Variants in SCUBE1 observed in about 807,000 individuals in gnomAD.
SCUBE1 encodes the protein signal peptide, CUB domain and EGF like domain containing 1.
In SCUBE1, 59 loss-of-function variants were observed where a neutral mutation model predicts 124.4. That is an observed-to-expected ratio of 0.47 (90% CI 0.38 to 0.59). The LOEUF is 0.59. Among genes scored for constraint, SCUBE1 ranks in the 20% least tolerant of loss-of-function variants. The probability of loss-of-function intolerance (pLI) is 0.00; values close to 1 mark genes in which losing one functional copy is unlikely to be tolerated. For missense variants in SCUBE1, 1,150 were observed against 1,371.2 expected (o/e 0.84, Z 2.55); for synonymous variants, 545 against 550.9 (o/e 0.99, Z 0.15).
Position 43,261,035 on chromosome 22 carries a change from G to A in SCUBE1, c.610+1685C>T, listed in dbSNP as rs532774101. ...AAGGCCCAGTTGGAGCAGGCCCTCGGCCTGTCTTCTGCCTAAGAGAATGCA... is the reference window on the plus strand; with the variant it reads ...AAGGCCCAGTTGGAGCAGGCCCTCGACCTGTCTTCTGCCTAAGAGAATGCA... On this transcript the variant is annotated intron_variant, in intron 5 of 21. Transcript: ENST00000360835. Among the ~76,000 whole-genome samples the A allele has an allele frequency of 5.3e-5, 8 of 152,376 alleles. 1 individual carries two copies. The South Asian group carries it at 1.4e-3, about 28-fold the overall frequency.
chr22:43,320,450 G>A lies in SCUBE1; in HGVS notation c.221-385C>T, dbSNP rs557165048. Among the ~76,000 whole-genome samples the A allele has an allele frequency of 1.8e-4, 28 of 152,344 alleles. No individual in the cohort carries two copies. In the South Asian group the frequency reaches 5.8e-3, roughly 32 times the overall value. On this transcript the variant is annotated intron_variant, in intron 2 of 21. Transcript: ENST00000360835. ...CTTTCCACATCAGTGTCTGATGCCT[G>A]CATTTCAACTGCTCCAGCTTCCTTG...
chr22:43,290,220 A>G (rs1463923426), intron 4 of SCUBE1, among the ~76,000 whole-genome samples: 2 of 151,964 alleles, frequency 1.3e-5, no homozygotes, highest in African/African-American at 4.8e-5. Context: ...CTCTCCTCCA[A>G]GCACATGTGT....
At chr22:43,305,712 G>A (rs1349471518) in intron 3 of SCUBE1, among the ~76,000 whole-genome samples, 2 of 152,124 alleles carry the variant, frequency 1.3e-5, no homozygotes, top group Non-Finnish European at 2.9e-5. Flanking sequence ...CCTCCACCAC[G>A]GGTGGGTCCC....
chr22:43,293,070 T>C (rs1925427818), intron 3 of SCUBE1, among the ~76,000 whole-genome samples: 1 of 152,198 alleles, frequency 6.6e-6, no homozygotes, highest in South Asian at 2.1e-4. Flanking sequence ...CATGCCACCT[T>C]TGCTGGGCGC....
At position 43,201,354 on chromosome 22, in the gene SCUBE1, A is replaced by G. The variant is rs1375264258; in HGVS notation, c.*2643T>C. 2.3e-5 allele frequency: 3 copies of G among 130,554 alleles called. No homozygotes were observed. The highest frequency in any genetic ancestry group is 7.6e-5 in the African/African-American group (3 of 39,564). The allele number at this position is 130,554 out of a possible 1,614,324, so 8.1% of individuals were successfully genotyped here. A position where few individuals can be genotyped will look rare whatever the true frequency, so the allele number is the denominator to read the frequency against. On this transcript the variant is annotated 3_prime_UTR_variant, in exon 22 of 22. Coordinates refer to ENST00000360835, the MANE Select transcript of SCUBE1 (RefSeq NM_173050.5). ...AAAACAAAAAAAGAAAACAAAAAAC[A>G]AAACAAAAAAAACAAAACAAAAACA...
chr22:43,295,803 C>T (rs529912203), intron 3 of SCUBE1, among the ~76,000 whole-genome samples: 6 of 152,238 alleles, frequency 3.9e-5, no homozygotes, highest in Admixed American at 1.3e-4. Context: ...TACTCTGTGC[C>T]ACACTACCCC....
intron 16 of SCUBE1, 44 bp downstream of exon 16, chr22:43,214,046 C>CGGGGGGGGGGG: frequency 3.3e-5 from 14 of 422,698 alleles, no homozygotes; most frequent in Non-Finnish European, 5.0e-5. Context: ...GAGGAGCCCC[C>CGGGGGGGGGGG]GCCCACCCCC....
In SCUBE1 at chr22:43,199,200, T is replaced by G. The variant is rs1920968305; in HGVS notation, c.*4797A>C. The G allele has an allele frequency of 5.7e-6, 1 of 176,452 alleles. No homozygotes were observed. The highest frequency in any genetic ancestry group is 2.7e-5 in the African/African-American group (1 of 37,222). 10.9% of individuals were successfully genotyped at this position (176,452 alleles called of 1,614,324 possible). The stretch of plus-strand genomic sequence containing the variant: ...TAAATGTTTGCGAAATGACTCAACT[T>G]ATTTCAGTATCTTATTTTTTCTGCT... On this transcript the variant is annotated 3_prime_UTR_variant, in exon 22 of 22. Coordinates refer to ENST00000360835, the MANE Select transcript of SCUBE1 (RefSeq NM_173050.5).
intron 4 of SCUBE1, among the ~76,000 whole-genome samples, chr22:43,263,904 T>C (rs1042495219): frequency 1.1e-4 from 16 of 152,242 alleles, no homozygotes; most frequent in Non-Finnish European, 2.2e-4. Flanking sequence ...GCTGCTGCCC[T>C]GCACAGAAGC....
At chr22:43,312,880 C>G (rs1926220562) in intron 3 of SCUBE1, among the ~76,000 whole-genome samples, 1 of 152,176 alleles carries the variant, frequency 6.6e-6, no homozygotes, top group Non-Finnish European at 1.5e-5. Context: ...TGGCCAGCCT[C>G]CCGGAGCTGG....
At chr22:43,239,550 T>C (rs916901769) in intron 6 of SCUBE1, among the ~76,000 whole-genome samples, 2 of 152,280 alleles carry the variant, frequency 1.3e-5, no homozygotes, top group African/African-American at 2.4e-5. Flanking sequence ...GAAGCTTGTC[T>C]AGTGCTTTTT....
chr22:43,337,283 A>C (rs1054123277), intron 2 of SCUBE1, among the ~76,000 whole-genome samples: 2 of 152,044 alleles, frequency 1.3e-5, no homozygotes, highest in Non-Finnish European at 2.9e-5. Context: ...ATTTTAGGGA[A>C]ACAGGTAAGG....
At chr22:43,287,845 G>A (rs184174810) in intron 4 of SCUBE1, among the ~76,000 whole-genome samples, 7 of 152,310 alleles carry the variant, frequency 4.6e-5, no homozygotes, top group Admixed American at 4.6e-4. Context: ...CATGATTGCA[G>A]TTGACACTAA....
At chr22:43,246,119 G>A (rs991072832) in intron 6 of SCUBE1, among the ~76,000 whole-genome samples, 1 of 152,182 alleles carries the variant, frequency 6.6e-6, no homozygotes, top group African/African-American at 2.4e-5. Flanking sequence ...GGGGTCCCGA[G>A]TGCCCCTTGG....
Position 43,343,297 on chromosome 22 carries a change from G to C in SCUBE1, c.-36C>G, listed in dbSNP as rs1601908619. On this transcript the variant is annotated 5_prime_UTR_variant, in exon 1 of 22. Transcript: ENST00000360835. ...GGCCCCGCTGGGCGTGCGGGCGTGCGGGGCGCGGGGACCCGACCGACCGGC... is the reference window on the plus strand; with the variant it reads ...GGCCCCGCTGGGCGTGCGGGCGTGCCGGGCGCGGGGACCCGACCGACCGGC... The C allele has an allele frequency of 3.8e-6, 4 of 1,040,648 alleles. No individual in the cohort carries two copies. The East Asian group carries it at 2.7e-4, about 69-fold the overall frequency. 64.5% of individuals were successfully genotyped at this position (1,040,648 alleles called of 1,614,324 possible).
chr22:43,252,112 ATACT>A lies in SCUBE1; in HGVS notation c.727+6103_727+6106del, dbSNP rs1923473861. On this transcript the variant is annotated intron_variant, in intron 6 of 21. Coordinates refer to ENST00000360835, the MANE Select transcript of SCUBE1 (RefSeq NM_173050.5). ...GTTCTGGGGCCTCTTTAAAGTAAAC[ATACT>A]TACTCCGTTCTTCACCTGTGCTCAG... Among the ~76,000 whole-genome samples, 3 of 152,254 alleles carry A rather than the reference ATACT, an allele frequency of 2.0e-5. No individual in the cohort carries two copies. In the South Asian group the frequency reaches 6.2e-4, roughly 32 times the overall value.
In SCUBE1 at chr22:43,258,183, G is replaced by A. The variant is rs939850249; in HGVS notation, c.727+36C>T. 3.5e-6 allele frequency: 5 copies of A among 1,419,468 alleles called. No homozygotes were observed. In the Middle Eastern group the frequency reaches 8.4e-4, roughly 239 times the overall value. The allele number at this position is 1,419,468 out of a possible 1,614,324, so 87.9% of individuals were successfully genotyped here. Reference sequence around the variant, plus strand: ...ACGCATGGGGGGTCGGGGGCGGGGGGCGCAAGGGTGGTGTGTGGCAGAGGT... The same window carrying A: ...ACGCATGGGGGGTCGGGGGCGGGGGACGCAAGGGTGGTGTGTGGCAGAGGT... On this transcript the variant is annotated intron_variant, in intron 6 of 21. Transcript: ENST00000360835. This position sits in a 1 kb window ranked among gnomAD's most constrained non-coding sequence, Gnocchi z 5.0.
chr22:43,323,651 A>G (rs1926631859), intron 2 of SCUBE1, among the ~76,000 whole-genome samples: 1 of 151,940 alleles, frequency 6.6e-6, no homozygotes, highest in Non-Finnish European at 1.5e-5. Flanking sequence ...AAATCCTCTC[A>G]TCTGTATATT....
At position 43,234,554 on chromosome 22, in the gene SCUBE1, G is replaced by A. The variant is rs369771583; in HGVS notation, c.845-2679C>T. Reference sequence around the variant, plus strand: ...ATGTCTGCCTGAGGCCCGGGCTGGTGTAGCTGGCTGCCTGGGGGTCAGGAT... The same window carrying A: ...ATGTCTGCCTGAGGCCCGGGCTGGTATAGCTGGCTGCCTGGGGGTCAGGAT... On this transcript the variant is annotated intron_variant, in intron 7 of 21. Coordinates refer to ENST00000360835, the MANE Select transcript of SCUBE1 (RefSeq NM_173050.5). This position sits in a 1 kb window ranked among gnomAD's most constrained non-coding sequence, Gnocchi z 4.4. Among the ~76,000 whole-genome samples, 6 of 152,330 alleles carry A rather than the reference G, an allele frequency of 3.9e-5. No individual in the cohort carries two copies. The East Asian group carries it at 9.6e-4, about 24-fold the overall frequency.
Sources: allele counts gnomAD v4.1 joint callset (sites outside exome capture counted in the v4.1 genomes callset), GRCh38; gene constraint gnomAD v4.1.1; non-coding constraint Gnocchi (gnomAD v3.1); transcripts MANE v1.5; gene names NCBI Gene and HGNC (gene_info 2026-07-23, HGNC 2026-07-21).